Variants in DLG2 observed in about 807,000 individuals in gnomAD.
DLG2 encodes the protein disks large homolog 2.
A neutral mutation model predicts 132.5 loss-of-function variants in DLG2; 45 were observed. That is an observed-to-expected ratio of 0.34 (90% CI 0.27 to 0.44). The LOEUF is 0.44. DLG2 is among the 20% of genes least tolerant of loss of function. The pLI is 1.00. For synonymous variants in DLG2, 424 were observed against 419.6 expected (o/e 1.01, Z -0.13); for missense variants, 1,045 against 1,196.9 (o/e 0.87, Z 1.87).
chr11:85,298,459 C>A (rs907574997), intron 3 of DLG2, among the ~76,000 whole-genome samples: 4 of 152,010 alleles, frequency 2.6e-5, no homozygotes, highest in Admixed American at 2.0e-4. Context: ...TGATAGGATG[C>A]AATGAAAAGA....
chr11:84,112,297 C>CT (rs1259395317), intron 9 of DLG2, among the ~76,000 whole-genome samples: 4,407 of 139,144 alleles, frequency 0.032, 205 homozygotes, highest in African/African-American at 0.11. Flanking sequence ...CGCATCCGGC[C>CT]TTTTTTTTTT....
intron 7 of DLG2, among the ~76,000 whole-genome samples, chr11:84,378,978 A>G (rs955197400): frequency 1.3e-5 from 2 of 151,668 alleles, no homozygotes; most frequent in Non-Finnish European, 2.9e-5. Flanking sequence ...AAAAACAAAC[A>G]TAAACAAACA....
At chr11:84,974,310 G>T (rs2054559816) in intron 6 of DLG2, among the ~76,000 whole-genome samples, 1 of 152,170 alleles carries the variant, frequency 6.6e-6, no homozygotes, top group Admixed American at 6.5e-5. Flanking sequence ...ACTGGCATAT[G>T]GTGGTATTAA....
At chr11:83,840,827 A>G (rs2057366321) in intron 16 of DLG2, among the ~76,000 whole-genome samples, 1 of 152,206 alleles carries the variant, frequency 6.6e-6, no homozygotes, top group Admixed American at 6.5e-5. Flanking sequence ...TTTCGCTTCC[A>G]TGGTGCTCAG....
intron 6 of DLG2, among the ~76,000 whole-genome samples, chr11:84,539,620 G>C (rs180789766): frequency 3.0e-4 from 45 of 152,264 alleles, no homozygotes; most frequent in African/African-American, 1.1e-3. Context: ...TAGCTTGATG[G>C]GGATGGCACT....
chr11:84,667,478 G>GTTTTGT (rs1565607059), intron 6 of DLG2, among the ~76,000 whole-genome samples: 20 of 91,412 alleles, frequency 2.2e-4, no homozygotes, highest in East Asian at 1.4e-3. Context: ...GTTTTTTTTT[G>GTTTTGT]TTTTTGTTTT....
At chr11:84,249,937 T>C (rs1002194471) in intron 8 of DLG2, among the ~76,000 whole-genome samples, 11 of 152,186 alleles carry the variant, frequency 7.2e-5, no homozygotes, top group Admixed American at 2.0e-4. Flanking sequence ...CTCATTCTTA[T>C]AATCAAGTCC....
intron 2 of DLG2, among the ~76,000 whole-genome samples, chr11:85,604,769 G>C (rs1316915706): frequency 6.6e-6 from 1 of 152,146 alleles, no homozygotes; most frequent in Non-Finnish European, 1.5e-5. Context: ...TACATAATTA[G>C]AACTGTAGGT....
intron 6 of DLG2, among the ~76,000 whole-genome samples, chr11:84,748,134 C>A (rs773418357): frequency 1.3e-5 from 2 of 152,182 alleles, no homozygotes; most frequent in African/African-American, 4.8e-5. Context: ...AGGGCTCTCC[C>A]ATTTGGATAC....
At position 85,018,517 on chromosome 11, in the gene DLG2, T is replaced by G. The variant is rs540339133; in HGVS notation, c.357+93144A>C. On this transcript the variant is annotated intron_variant, in intron 6 of 27. Coordinates refer to ENST00000376104, the MANE Select transcript of DLG2 (RefSeq NM_001142699.3). ...TCTGTATCCCTATCAAAGATTCGTG[T>G]GATCTTTGCCTCTAAGTAAAGCAGC... Among the ~76,000 whole-genome samples the G allele has an allele frequency of 7.9e-5, 12 of 152,316 alleles. No individual in the cohort carries two copies. In the South Asian group the frequency reaches 2.5e-3, roughly 32 times the overall value.
intron 10 of DLG2, among the ~76,000 whole-genome samples, chr11:84,074,619 C>A (rs1594712392): frequency 6.6e-6 from 1 of 151,340 alleles, no homozygotes; most frequent in Admixed American, 6.6e-5. Flanking sequence ...ACCTCCGCCT[C>A]CCGGGTTCAC....
chr11:83,822,048 T>G (rs2050965143), intron 17 of DLG2, among the ~76,000 whole-genome samples: 1 of 151,852 alleles, frequency 6.6e-6, no homozygotes, highest in Non-Finnish European at 1.5e-5. Flanking sequence ...ATCTATGGAG[T>G]TGGTGTGAAA....
chr11:84,271,592 G>A (rs1567139064), intron 7 of DLG2, among the ~76,000 whole-genome samples: 1 of 152,182 alleles, frequency 6.6e-6, no homozygotes, highest in Non-Finnish European at 1.5e-5. Flanking sequence ...ACGCTTGTTG[G>A]TTGATTTAGT....
intron 12 of DLG2, among the ~76,000 whole-genome samples, chr11:83,970,719 A>G (rs1035634497): frequency 6.6e-6 from 1 of 152,216 alleles, no homozygotes; most frequent in Non-Finnish European, 1.5e-5. Context: ...GTTGGCCTAT[A>G]TAAAGTGACA....
chr11:83,482,113 A>G (rs1360861254), intron 22 of DLG2, among the ~76,000 whole-genome samples: 1 of 152,114 alleles, frequency 6.6e-6, no homozygotes, highest in Non-Finnish European at 1.5e-5. Flanking sequence ...ATAGTAACTC[A>G]AAAATAAAGT....
intron 3 of DLG2, among the ~76,000 whole-genome samples, chr11:85,504,480 C>T (rs1324369187): frequency 1.3e-5 from 2 of 152,260 alleles, no homozygotes; most frequent in East Asian, 3.9e-4. Flanking sequence ...AACCTTTCCC[C>T]ATTTCTTGTT....
At chr11:84,157,042 G>T (rs116531286) in intron 9 of DLG2, among the ~76,000 whole-genome samples, 3,162 of 151,582 alleles carry the variant, frequency 0.021, 106 homozygotes, top group African/African-American at 0.073. Context: ...TTTTTTCTAG[G>T]TCTCTTTAGC....
chr11:83,503,604 A>T (rs184997509), intron 21 of DLG2, among the ~76,000 whole-genome samples: 1 of 151,812 alleles, frequency 6.6e-6, no homozygotes, highest in East Asian at 1.9e-4. Flanking sequence ...AGCATCCAGC[A>T]TGGGAGAAGG....
intron 9 of DLG2, among the ~76,000 whole-genome samples, chr11:84,117,882 T>G (rs2154198525): frequency 6.6e-6 from 1 of 152,204 alleles, no homozygotes; most frequent in Non-Finnish European, 1.5e-5. Context: ...TGAGACAGAG[T>G]CTCGCTCTTG....
Sources: allele counts gnomAD v4.1 joint callset (sites outside exome capture counted in the v4.1 genomes callset), GRCh38; gene constraint gnomAD v4.1.1; transcripts MANE v1.5; gene names NCBI Gene and HGNC (gene_info 2026-07-23, HGNC 2026-07-21).